The following PAPPA variants were observed in gnomAD, a reference collection of about 807,000 sequenced individuals.
The protein encoded by PAPPA is pappalysin-1.
A neutral mutation model predicts 164.0 loss-of-function variants in PAPPA; 60 were observed. The ratio of observed to expected loss-of-function variants is 0.37; its 90% confidence interval spans 0.30 to 0.45. The LOEUF (loss-of-function observed/expected upper bound fraction) is 0.45, where lower values mean the gene tolerates loss of function less well. Among genes scored for constraint, PAPPA ranks in the 20% least tolerant of loss-of-function variants. The pLI is 1.00. For synonymous variants in PAPPA, 875 were observed against 814.1 expected (o/e 1.07, Z -1.27); for missense variants, 1,782 against 2,087.3 (o/e 0.85, Z 2.85).
chr9:116,254,781 C>CA (rs143327103), intron 7 of PAPPA, among the ~76,000 whole-genome samples: 1,077 of 59,562 alleles, frequency 0.018, 20 homozygotes, highest in African/African-American at 0.047. Context: ...GACTCCGTCT[C>CA]AAAAAAAAAA....
At chr9:116,327,694 C>G (rs1374572780) in intron 10 of PAPPA, among the ~76,000 whole-genome samples, 2 of 152,158 alleles carry the variant, frequency 1.3e-5, no homozygotes, top group African/African-American at 2.4e-5. Flanking sequence ...ATGGGCAAGG[C>G]TCTTTTGTTT....
At chr9:116,353,503 C>A in intron 16 of PAPPA, 119 bp from the exon 17 acceptor site, 1 of 855,090 alleles carries the variant, frequency 1.2e-6, no homozygotes. Context: ...CCCAATAGGT[C>A]AGGTGGGGAA....
chr9:116,193,178 A>G (rs1844064119), intron 2 of PAPPA, among the ~76,000 whole-genome samples: 1 of 151,688 alleles, frequency 6.6e-6, no homozygotes, highest in Non-Finnish European at 1.5e-5. Context: ...CCCTGAGGCC[A>G]GGTTTTTGTT....
intron 10 of PAPPA, among the ~76,000 whole-genome samples, chr9:116,321,946 G>A (rs1280660690): frequency 6.6e-6 from 1 of 152,212 alleles, no homozygotes; most frequent in Non-Finnish European, 1.5e-5. Flanking sequence ...GGAGTAAGAA[G>A]AGAACAGACT....
At chr9:116,193,219 T>C (rs996895737) in intron 2 of PAPPA, among the ~76,000 whole-genome samples, 7 of 152,066 alleles carry the variant, frequency 4.6e-5, no homozygotes, top group African/African-American at 1.4e-4. Flanking sequence ...GTTAATGTTG[T>C]TGGAAGTCTC....
intron 10 of PAPPA, among the ~76,000 whole-genome samples, chr9:116,313,412 T>C (rs1363257309): frequency 2.0e-5 from 3 of 152,122 alleles, no homozygotes; most frequent in African/African-American, 7.2e-5. Flanking sequence ...AAGTCACAGG[T>C]TTGGGAGAGA....
Position 116,154,630 on chromosome 9 carries a change from C to T in PAPPA, c.415+43C>T. 2.3e-6 allele frequency: 3 copies of T among 1,284,652 alleles called. No individual in the cohort carries two copies. The highest frequency in any genetic ancestry group is 3.0e-6 in the Non-Finnish European group (3 of 1,014,870). 79.6% of individuals were successfully genotyped at this position (1,284,652 alleles called of 1,614,324 possible). On this transcript the variant is annotated intron_variant, in intron 1 of 21. Transcript: ENST00000328252. This position sits in a 1 kb window ranked among gnomAD's most constrained non-coding sequence, Gnocchi z 5.2. ...GGCGGGCGCTGCACCGTCCCTGCGG[C>T]CCCAGAGGCTCGCGGGTGTCTGGGC...
intron 13 of PAPPA, among the ~76,000 whole-genome samples, chr9:116,338,832 G>T (rs1031440577): frequency 1.3e-5 from 2 of 152,220 alleles, no homozygotes; most frequent in Admixed American, 1.3e-4. Flanking sequence ...ATCCTTGGCA[G>T]TGCTTGAGAT....
At chr9:116,367,819 T>C in intron 19 of PAPPA, 65 bp downstream of exon 19, 1 of 1,070,114 alleles carries the variant, frequency 9.3e-7, no homozygotes, top group Admixed American at 1.8e-5. Flanking sequence ...TGTTGAGCAC[T>C]TGCTATGTCC....
intron 20 of PAPPA, among the ~76,000 whole-genome samples, chr9:116,380,720 T>C (rs1256686323): frequency 6.6e-6 from 1 of 152,198 alleles, no homozygotes; most frequent in Non-Finnish European, 1.5e-5. Context: ...ACAACTGAGC[T>C]CAGGTCTTCC....
rs1174599442 is a variant in PAPPA, at chr9:116,402,206, A to C, written c.*5590A>C. 7.2e-5 allele frequency: 11 copies of C among 152,550 alleles called. No homozygotes were observed. Among genetic ancestry groups the C allele is most frequent in the South Asian group, 6.2e-4 (3 of 4,828 alleles). 9.4% of individuals were successfully genotyped at this position (152,550 alleles called of 1,614,324 possible). A position where few individuals can be genotyped will look rare whatever the true frequency, so the allele number is the denominator to read the frequency against. ...TTCCCATACTGTTTTCTCTGATCTC[A>C]ATTACAGGTTGGATCTCACAAATAA... On this transcript the variant is annotated 3_prime_UTR_variant, in exon 22 of 22. Coordinates refer to ENST00000328252, the MANE Select transcript of PAPPA (RefSeq NM_002581.5).
At chr9:116,396,052 G>T (rs1034078911) in intron 21 of PAPPA, among the ~76,000 whole-genome samples, 1 of 152,140 alleles carries the variant, frequency 6.6e-6, no homozygotes, top group Non-Finnish European at 1.5e-5. Context: ...TACAAAGTGG[G>T]TCTTATTATA....
At chr9:116,252,494 A>C (rs1844871387) in intron 7 of PAPPA, among the ~76,000 whole-genome samples, 1 of 152,168 alleles carries the variant, frequency 6.6e-6, no homozygotes, top group Non-Finnish European at 1.5e-5. Context: ...GGGGCACCTG[A>C]AGTGGAAGGG....
intron 11 of PAPPA, 142 bp from the exon 12 acceptor site, chr9:116,332,191 C>T: frequency 1.7e-6 from 1 of 583,686 alleles, no homozygotes; most frequent in Admixed American, 2.9e-5. Flanking sequence ...TTCATTGCCT[C>T]CTCCTTCCCA....
At chr9:116,358,765 G>A (rs1053361280) in intron 17 of PAPPA, among the ~76,000 whole-genome samples, 1 of 152,138 alleles carries the variant, frequency 6.6e-6, no homozygotes, top group Non-Finnish European at 1.5e-5. Flanking sequence ...GGGTACAACA[G>A]CTTACAGTCA....
intron 9 of PAPPA, among the ~76,000 whole-genome samples, chr9:116,276,528 A>AC (rs1178244915): frequency 6.9e-6 from 1 of 145,946 alleles, no homozygotes; most frequent in Non-Finnish European, 1.5e-5. Context: ...CTGGACTGAG[A>AC]CTCTAAAGCT....
At chr9:116,263,692 G>A (rs1039140089) in intron 7 of PAPPA, among the ~76,000 whole-genome samples, 1 of 152,108 alleles carries the variant, frequency 6.6e-6, no homozygotes, top group Admixed American at 6.6e-5. Flanking sequence ...GTAAAACACC[G>A]GCCCATGACT....
intron 9 of PAPPA, among the ~76,000 whole-genome samples, chr9:116,297,093 G>T (rs1845518998): frequency 6.6e-6 from 1 of 152,118 alleles, no homozygotes; most frequent in Non-Finnish European, 1.5e-5. Context: ...GACCTCGGAT[G>T]ATCTGCCTGC....
At chr9:116,207,711 T>C (rs1225000019) in intron 3 of PAPPA, 110 bp downstream of exon 3, 2 of 765,006 alleles carry the variant, frequency 2.6e-6, no homozygotes, top group African/African-American at 1.8e-5. Flanking sequence ...GTTGTGAGGG[T>C]GAACAACCGA....
Sources: gnomAD v4.1 joint callset for allele counts (sites outside exome capture counted in the v4.1 genomes callset) on GRCh38, gnomAD v4.1.1 for gene constraint, Gnocchi (gnomAD v3.1) non-coding constraint, MANE v1.5 for transcripts, NCBI Gene and HGNC (gene_info 2026-07-23, HGNC 2026-07-21) for gene names.